CFAP91: variants seen among roughly 807,000 people sequenced by gnomAD.
CFAP91 encodes the protein cilia- and flagella-associated protein 91.
In CFAP91, 85 loss-of-function variants were observed where a neutral mutation model predicts 95.9. The observed-to-expected ratio is 0.89, with a 90% CI of 0.74 to 1.06. The LOEUF (loss-of-function observed/expected upper bound fraction) is 1.06. Ranked by LOEUF, CFAP91 falls within the 50% of genes least tolerant of loss-of-function variation. The pLI, the probability that CFAP91 is intolerant of heterozygous loss-of-function variation, is 0.00. For synonymous variants in CFAP91, 335 were observed against 327.5 expected, an observed-to-expected ratio of 1.02 and a Z score of -0.25; for missense variants, 962 against 943.4, an observed-to-expected ratio of 1.02 and a Z score of -0.26.
chr3:119,726,323 G>A lies in CFAP91; in HGVS notation c.835G>A (p.Ala279Thr). The change falls in exon 7 of 18, where the codon GCC (alanine) becomes ACC (threonine). Residue 279 changes from alanine (A) to threonine (T), a missense_variant. By Grantham distance (58) the Ala-to-Thr change is moderately conservative. Transcript: ENST00000273390. ...MMNEMERKEWAFREQEIEKLQ... is the reference protein window; with the variant it reads ...MMNEMERKEWTFREQEIEKLQ... Reference sequence around the variant, plus strand: ...GAATGAAATGGAGAGGAAGGAGTGGGCCTTCAGAGAGCAGGAGATTGAAAA... The same window carrying A: ...GAATGAAATGGAGAGGAAGGAGTGGACCTTCAGAGAGCAGGAGATTGAAAA... 6.2e-7 allele frequency: 1 copy of A among 1,613,156 alleles called. No individual in the cohort carries two copies. The highest frequency in any genetic ancestry group is 8.5e-7 in the Non-Finnish European group (1 of 1,179,666).
Position 119,730,293 on chromosome 3 carries a change from A to T in CFAP91, c.934A>T (p.Met312Leu). 6.2e-7 allele frequency: 1 copy of T among 1,614,182 alleles called. No homozygotes were observed. Among genetic ancestry groups the T allele is most frequent in the Non-Finnish European group, 8.5e-7 (1 of 1,180,020 alleles). The change falls in exon 8 of 18, where the codon ATG becomes TTG. Residue 312 changes from methionine to leucine, a missense_variant. Coordinates refer to ENST00000273390, the MANE Select transcript of CFAP91 (RefSeq NM_033364.4). ...KREENQNEVN[M>L]KHLNARWSKL... ...TGAAGAGAATCAGAATGAAGTGAAT[A>T]TGAAGCACTTGAATGCCCGGTGGTC...
chr3:119,706,871 A>G lies in CFAP91; in HGVS notation c.187A>G (p.Ile63Val). The G allele has an allele frequency of 3.1e-6, 5 of 1,612,604 alleles. No individual in the cohort carries two copies. Among genetic ancestry groups the G allele is most frequent in the Non-Finnish European group, 3.4e-6 (4 of 1,179,500 alleles). Reference protein sequence around the residue: ...HTQANIQATLIRSRLRKVPRF... With the variant: ...HTQANIQATLVRSRLRKVPRF... ...ACAGGCAAATATCCAAGCTACCCTG[A>G]TTCGCAGCAGACTGGTATGTCTAAT... is the stretch of plus-strand genomic sequence containing the variant. Residue 63 changes from isoleucine to valine, a missense_variant, in exon 2 of 18, where the codon ATT (isoleucine) becomes GTT (valine). Ile to Val is a conservative substitution (Grantham distance 29). Transcript: ENST00000273390.
chr3:119,736,311 T>G (rs2054005625), intron 10 of CFAP91, among the ~76,000 whole-genome samples: 2 of 149,300 alleles, frequency 1.3e-5, no homozygotes, highest in South Asian at 4.3e-4. Context: ...TCACTCTGTT[T>G]GTCAGGCTGG....
chr3:119,715,518 G>T, intron 5 of CFAP91, 44 bp from the exon 6 acceptor site: 1 of 1,473,674 alleles, frequency 6.8e-7, no homozygotes. Flanking sequence ...TATTTTAAGT[G>T]ACCATAACAG....
intron 10 of CFAP91, among the ~76,000 whole-genome samples, chr3:119,736,493 G>A (rs190369713): frequency 2.1e-3 from 320 of 151,950 alleles, no homozygotes; most frequent in African/African-American, 7.4e-3. Flanking sequence ...AGCCAGGATG[G>A]TCTTGATCTC....
At position 119,744,081 on chromosome 3, in the gene CFAP91, T is replaced by C. The variant is rs2054174878; in HGVS notation, c.1787T>C (p.Ile596Thr). ...ELVRLQEERR[I>T]HAFVMLAERQ... ...GTGAGACTGCAGGAGGAGAGGAGGATCCATGCCTTTGTCATGCTGGCTGAG... is the reference window on the plus strand; with the variant it reads ...GTGAGACTGCAGGAGGAGAGGAGGACCCATGCCTTTGTCATGCTGGCTGAG... The change falls in exon 14 of 18, where the codon ATC becomes ACC. Residue 596 changes from isoleucine (I) to threonine (T), a missense_variant. Physicochemically the swap from Ile to Thr is moderately conservative, Grantham distance 89 (BLOSUM62 -1). Transcript: ENST00000273390. 6 of 1,614,180 alleles carry C rather than the reference T, an allele frequency of 3.7e-6. No homozygotes were observed. The highest frequency in any genetic ancestry group is 5.1e-6 in the Non-Finnish European group (6 of 1,180,000).
chr3:119,736,696 C>A (rs891629540), intron 10 of CFAP91, among the ~76,000 whole-genome samples: 1 of 152,126 alleles, frequency 6.6e-6, no homozygotes, highest in South Asian at 2.1e-4. Flanking sequence ...AAGGTTCATC[C>A]AGGTTTTAAC....
rs1009489335 is a variant in CFAP91 at position 119,765,463 on chromosome 3, C to A, written c.*413C>A. On this transcript the variant is annotated 3_prime_UTR_variant, in exon 18 of 18. Transcript: ENST00000273390. ...ATTCCATGACTCAGGATTTTATCTC[C>A]TAGATATATATTCAACAGAAATGCA... 2 of 152,132 alleles carry A rather than the reference C, an allele frequency of 1.3e-5. No individual in the cohort carries two copies. Among genetic ancestry groups the A allele is most frequent in the African/African-American group, 4.8e-5 (2 of 41,434 alleles). The allele number at this position is 152,132 out of a possible 1,614,324, so 9.4% of individuals were successfully genotyped here.
At chr3:119,707,850 C>G (rs1461717510) in intron 3 of CFAP91, among the ~76,000 whole-genome samples, 1 of 151,660 alleles carries the variant, frequency 6.6e-6, no homozygotes, top group Non-Finnish European at 1.5e-5. Flanking sequence ...CTCTGTTCTG[C>G]TAGTATCTAA....
At chr3:119,753,369 A>T (rs771608014) in intron 17 of CFAP91, among the ~76,000 whole-genome samples, 19 of 152,320 alleles carry the variant, frequency 1.2e-4, no homozygotes, top group Non-Finnish European at 2.4e-4. Flanking sequence ...TATCCCTGGC[A>T]TATGATATAG....
chr3:119,742,492 T>C (rs2054140892), intron 13 of CFAP91, among the ~76,000 whole-genome samples: 1 of 152,232 alleles, frequency 6.6e-6, no homozygotes, highest in Admixed American at 6.5e-5. Flanking sequence ...CTACCCAGAT[T>C]TCTTGCTGAG....
At chr3:119,706,916 G>T in intron 2 of CFAP91, 31 bp downstream of exon 2, 1 of 1,549,370 alleles carries the variant, frequency 6.5e-7, no homozygotes, top group Non-Finnish European at 8.9e-7. Context: ...AAGGCTACCT[G>T]ATGAACCTGA....
chr3:119,750,711 C>T, intron 16 of CFAP91: 1 of 533,922 alleles, frequency 1.9e-6, no homozygotes, highest in Non-Finnish European at 3.4e-6. Flanking sequence ...GCAGGCATTC[C>T]AGATGAGGGA....
At chr3:119,751,490 C>A (rs2054324878) in intron 17 of CFAP91, among the ~76,000 whole-genome samples, 2 of 152,154 alleles carry the variant, frequency 1.3e-5, no homozygotes, top group South Asian at 4.1e-4. Flanking sequence ...AGACACAGAG[C>A]CTGCCCAATT....
At chr3:119,731,705 A>G (rs925929928) in intron 8 of CFAP91, among the ~76,000 whole-genome samples, 2 of 152,190 alleles carry the variant, frequency 1.3e-5, no homozygotes, top group African/African-American at 2.4e-5. Flanking sequence ...AGAGCCGCCA[A>G]AAGGTCTTGG....
At chr3:119,708,799 A>C (rs1051708307) in intron 4 of CFAP91, 125 bp downstream of exon 4, 2 of 598,348 alleles carry the variant, frequency 3.3e-6, no homozygotes, top group African/African-American at 1.9e-5. Context: ...AGTGCTTTAC[A>C]TGCATATGAT....
At chr3:119,708,721 G>T (rs371951874) in intron 4 of CFAP91, 47 bp downstream of exon 4, 31 of 1,096,632 alleles carry the variant, frequency 2.8e-5, no homozygotes, top group Non-Finnish European at 3.9e-5. Flanking sequence ...TATTATTAGA[G>T]AACCTCTTTA....
chr3:119,709,492 A>C (rs2053435604), intron 4 of CFAP91, among the ~76,000 whole-genome samples: 1 of 152,212 alleles, frequency 6.6e-6, no homozygotes, highest in African/African-American at 2.4e-5. Context: ...AGTTGTTGGG[A>C]ACTAATGGCC....
At chr3:119,750,639 C>T in intron 16 of CFAP91, 2 of 391,890 alleles carry the variant, frequency 5.1e-6, no homozygotes, top group Admixed American at 8.2e-5. Flanking sequence ...TAAATCTGGG[C>T]TGATGTAGTC....
Sources: gnomAD v4.1 joint callset for allele counts (sites outside exome capture counted in the v4.1 genomes callset) on GRCh38, gnomAD v4.1.1 for gene constraint, MANE v1.5 for transcripts, NCBI Gene and HGNC (gene_info 2026-07-23, HGNC 2026-07-21) for gene names.